Variants in TMEM132D observed in about 807,000 individuals in gnomAD.
TMEM132D encodes the protein transmembrane protein 132D.
Under a neutral mutation model 62.3 loss-of-function variants are expected in TMEM132D, and 21 were observed. That is an observed-to-expected ratio of 0.34 (90% CI 0.24 to 0.49). The LOEUF (loss-of-function observed/expected upper bound fraction) is 0.49, where lower values mean the gene tolerates loss of function less well. Among genes scored for constraint, TMEM132D ranks in the 20% least tolerant of loss-of-function variants. TMEM132D has a pLI of 0.99. For missense variants in TMEM132D, 1,346 were observed against 1,402.8 expected (o/e 0.96, Z 0.65); for synonymous variants, 621 against 575.6 (o/e 1.08, Z -1.13).
chr12:129,303,917 G>A (rs1593329828), intron 4 of TMEM132D, among the ~76,000 whole-genome samples: 1 of 152,280 alleles, frequency 6.6e-6, no homozygotes, highest in East Asian at 1.9e-4. Flanking sequence ...GACGATGGAA[G>A]TCCCAGCTCA....
chr12:129,285,791 A>G (rs969019820), intron 4 of TMEM132D, among the ~76,000 whole-genome samples: 10 of 152,136 alleles, frequency 6.6e-5, no homozygotes, highest in African/African-American at 2.4e-4. Flanking sequence ...ACTGTAAAAC[A>G]TGTAATTTCA....
chr12:129,645,431 G>T (rs994216045), intron 2 of TMEM132D, among the ~76,000 whole-genome samples: 1 of 152,044 alleles, frequency 6.6e-6, no homozygotes, highest in South Asian at 2.1e-4. Context: ...CATTTGGAAG[G>T]CCCCCACATA....
Position 129,423,921 on chromosome 12 carries a change from T to C in TMEM132D, c.1116-86104A>G, listed in dbSNP as rs77432427. On this transcript the variant is annotated intron_variant, in intron 3 of 8. Transcript: ENST00000422113. ...ATAAATCTTAAATTCCTTCAGTTCG[T>C]AACAGCCTCATAGGTTAGGCTGCCC... Among the ~76,000 whole-genome samples, 53 of 152,286 alleles carry C rather than the reference T, an allele frequency of 3.5e-4. No homozygotes were observed. The East Asian group carries it at 9.1e-3, about 26-fold the overall frequency.
At chr12:129,592,895 C>T (rs1439535371) in intron 2 of TMEM132D, among the ~76,000 whole-genome samples, 1 of 152,098 alleles carries the variant, frequency 6.6e-6, no homozygotes, top group Admixed American at 6.5e-5. Flanking sequence ...TAGTAAAAAC[C>T]TCTGTAGTTT....
intron 4 of TMEM132D, among the ~76,000 whole-genome samples, chr12:129,247,527 C>T (rs1213629338): frequency 6.6e-6 from 1 of 152,220 alleles, no homozygotes; most frequent in East Asian, 1.9e-4. Context: ...GCAGCTTTCT[C>T]ACCTGTAATA....
intron 1 of TMEM132D, among the ~76,000 whole-genome samples, chr12:129,772,871 C>T (rs1021653780): frequency 1.3e-5 from 2 of 152,256 alleles, no homozygotes; most frequent in Non-Finnish European, 2.9e-5. Flanking sequence ...CTCGGACTTC[C>T]TCCCACATCA....
chr12:129,249,589 T>C (rs1053472439), intron 4 of TMEM132D, among the ~76,000 whole-genome samples: 1 of 152,186 alleles, frequency 6.6e-6, no homozygotes, highest in Non-Finnish European at 1.5e-5. Flanking sequence ...AAATATATAT[T>C]GAATCCCTAC....
chr12:129,395,641 T>C (rs183085634), intron 3 of TMEM132D, among the ~76,000 whole-genome samples: 17 of 151,488 alleles, frequency 1.1e-4, no homozygotes, highest in Admixed American at 9.9e-4. Flanking sequence ...ATAAAAAGGA[T>C]ATGAGATGTA....
intron 2 of TMEM132D, among the ~76,000 whole-genome samples, chr12:129,622,326 TG>T (rs1879095547): frequency 6.6e-6 from 1 of 152,160 alleles, no homozygotes; most frequent in East Asian, 1.9e-4. Flanking sequence ...GCACCGACAG[TG>T]GGCGCGTATG....
At chr12:129,267,906 A>C (rs200802707) in intron 4 of TMEM132D, among the ~76,000 whole-genome samples, 13,521 of 151,876 alleles carry the variant, frequency 0.089, 757 homozygotes, top group Admixed American at 0.17. Flanking sequence ...TGATCTTTGA[A>C]GAACCTGACA....
chr12:129,357,771 C>T lies in TMEM132D; in HGVS notation c.1116-19954G>A, dbSNP rs1486015402. 5.3e-5 allele frequency among the ~76,000 whole-genome samples: 8 copies of T among 152,172 alleles called. No individual in the cohort carries two copies. In the South Asian group the frequency reaches 1.7e-3, roughly 32 times the overall value. ...CTCCACTTTGGAAGAATTTTCCAGACTGCGTCAATCTTCGTCGGCAATGGC... is the reference window on the plus strand; with the variant it reads ...CTCCACTTTGGAAGAATTTTCCAGATTGCGTCAATCTTCGTCGGCAATGGC... On this transcript the variant is annotated intron_variant, in intron 3 of 8. Transcript: ENST00000422113.
intron 3 of TMEM132D, among the ~76,000 whole-genome samples, chr12:129,343,497 G>T (rs929053086): frequency 2.0e-5 from 3 of 152,022 alleles, no homozygotes; most frequent in Non-Finnish European, 4.4e-5. Context: ...AATAGGTGCA[G>T]CACACCAACA....
At chr12:129,314,218 A>G (rs1338325203) in intron 4 of TMEM132D, among the ~76,000 whole-genome samples, 1 of 152,166 alleles carries the variant, frequency 6.6e-6, no homozygotes, top group Non-Finnish European at 1.5e-5. Context: ...GGTTTTTCCA[A>G]TGTTATCTTC....
At chr12:129,582,003 A>ACTGG (rs1294338694) in intron 2 of TMEM132D, among the ~76,000 whole-genome samples, 3 of 152,230 alleles carry the variant, frequency 2.0e-5, no homozygotes, top group Non-Finnish European at 4.4e-5. Flanking sequence ...TTTAACACTG[A>ACTGG]GAGCATCAAT....
chr12:129,873,895 C>T, intron 1 of TMEM132D, among the ~76,000 whole-genome samples: 1 of 152,204 alleles, frequency 6.6e-6, no homozygotes, highest in Non-Finnish European at 1.5e-5. Flanking sequence ...TAAAGTGAAT[C>T]AGGCAACTTT....
intron 5 of TMEM132D, among the ~76,000 whole-genome samples, chr12:129,207,425 G>A (rs1042821190): frequency 9.8e-5 from 15 of 152,330 alleles, no homozygotes; most frequent in African/African-American, 1.9e-4. Flanking sequence ...TGACATATAC[G>A]CATATATGAA....
chr12:129,745,292 A>T (rs1869741465), intron 1 of TMEM132D, among the ~76,000 whole-genome samples: 1 of 152,210 alleles, frequency 6.6e-6, no homozygotes, highest in Non-Finnish European at 1.5e-5. Flanking sequence ...GTTCTACTTC[A>T]TAGTATTTGC....
At chr12:129,443,269 T>C (rs905791561) in intron 3 of TMEM132D, among the ~76,000 whole-genome samples, 4 of 152,210 alleles carry the variant, frequency 2.6e-5, no homozygotes, top group African/African-American at 9.6e-5. Flanking sequence ...CAAGTGTGTC[T>C]TTCAGCAATG....
chr12:129,076,591 G>A (rs527362117), intron 8 of TMEM132D, among the ~76,000 whole-genome samples: 8 of 152,286 alleles, frequency 5.3e-5, no homozygotes, highest in East Asian at 1.9e-4. Context: ...CCTGCTAAGC[G>A]GATAACCTTG....
Sources: allele counts gnomAD v4.1 joint callset (sites outside exome capture counted in the v4.1 genomes callset), GRCh38; gene constraint gnomAD v4.1.1; transcripts MANE v1.5; gene names NCBI Gene and HGNC (gene_info 2026-07-23, HGNC 2026-07-21).